SLIT2: variants seen among roughly 807,000 people sequenced by gnomAD.
The protein encoded by SLIT2 is slit guidance ligand 2, also known as slit homolog 2 protein.
In SLIT2, 41 loss-of-function variants were observed where a neutral mutation model predicts 185.7. The observed-to-expected ratio is 0.22, with a 90% CI of 0.17 to 0.29. The LOEUF (loss-of-function observed/expected upper bound fraction) is 0.29. Among genes scored for constraint, SLIT2 ranks in the 10% least tolerant of loss-of-function variants. SLIT2 has a pLI of 1.00. For synonymous variants in SLIT2, 693 were observed against 680.2 expected (o/e 1.02, Z -0.29); for missense variants, 1,571 against 1,909.0 (o/e 0.82, Z 3.30).
At chr4:20,259,864 C>T (rs575486153) in intron 3 of SLIT2, among the ~76,000 whole-genome samples, 21 of 151,820 alleles carry the variant, frequency 1.4e-4, no homozygotes, top group African/African-American at 4.8e-4. Flanking sequence ...GCAAATATTT[C>T]ATATTTGTGA....
At chr4:20,346,538 G>A (rs1721428414) in intron 4 of SLIT2, among the ~76,000 whole-genome samples, 1 of 152,302 alleles carries the variant, frequency 6.6e-6, no homozygotes, top group East Asian at 1.9e-4. Flanking sequence ...GGGTTCTCTA[G>A]AGGGGCAGTA....
At chr4:20,475,752 C>CTGGG (rs1716030129) in intron 5 of SLIT2, among the ~76,000 whole-genome samples, 1 of 152,078 alleles carries the variant, frequency 6.6e-6, no homozygotes. Context: ...TTGATTAGTT[C>CTGGG]ACTTACAATT....
chr4:20,278,937 TG>T (rs1430607852), intron 4 of SLIT2, among the ~76,000 whole-genome samples: 1 of 152,170 alleles, frequency 6.6e-6, no homozygotes, highest in East Asian at 1.9e-4. Context: ...CATAGATACA[TG>T]TATTTCTTTT....
At chr4:20,598,450 GCTTCTCCTCTA>G (rs766583515) in intron 33 of SLIT2, 55 bp downstream of exon 33, 41 of 1,588,802 alleles carry the variant, frequency 2.6e-5, no homozygotes, top group Non-Finnish European at 3.4e-5. Flanking sequence ...ATGAAGAACT[GCTTCTCCTCTA>G]TCATTTTATT....
chr4:20,530,963 TAA>T (rs879336596), intron 16 of SLIT2, among the ~76,000 whole-genome samples: 1 of 123,158 alleles, frequency 8.1e-6, no homozygotes, highest in Admixed American at 8.1e-5. Flanking sequence ...CTGGAATGGC[TAA>T]AAAAAAAAAA....
At chr4:20,388,099 G>A (rs1206702005) in intron 4 of SLIT2, among the ~76,000 whole-genome samples, 3 of 152,022 alleles carry the variant, frequency 2.0e-5, no homozygotes, top group African/African-American at 7.2e-5. Context: ...CTGATAATAT[G>A]ACATCTATGA....
chr4:20,606,131 G>A (rs1038845007), intron 33 of SLIT2, among the ~76,000 whole-genome samples: 2 of 152,140 alleles, frequency 1.3e-5, no homozygotes, highest in African/African-American at 4.8e-5. Context: ...AAGACAGCAA[G>A]AAATACCAAG....
intron 4 of SLIT2, among the ~76,000 whole-genome samples, chr4:20,440,928 T>C (rs1454936733): frequency 1.3e-5 from 2 of 152,190 alleles, no homozygotes; most frequent in Non-Finnish European, 2.9e-5. Flanking sequence ...TTTTGGCCTT[T>C]ATTTACATTC....
At chr4:20,405,918 C>CTGTCCTATCAACAATGAAATACAAA (rs1553895950) in intron 4 of SLIT2, among the ~76,000 whole-genome samples, 1 of 146,746 alleles carries the variant, frequency 6.8e-6, no homozygotes, top group Non-Finnish European at 1.5e-5. Context: ...TATTCACAAA[C>CTGTCCTATCAACAATGAAATACAAA]ATTACCTTGG....
chr4:20,606,669 A>G (rs1272246715), intron 33 of SLIT2, among the ~76,000 whole-genome samples: 1 of 152,192 alleles, frequency 6.6e-6, no homozygotes, highest in South Asian at 2.1e-4. Context: ...TAGTCAGTCT[A>G]TCTCACTCAT....
chr4:20,382,307 G>T (rs929205384), intron 4 of SLIT2, among the ~76,000 whole-genome samples: 2 of 152,062 alleles, frequency 1.3e-5, no homozygotes, highest in Admixed American at 1.3e-4. Flanking sequence ...ACAAGGATGT[G>T]CACTCCTATC....
At chr4:20,271,727 A>G (rs1008803399) in intron 4 of SLIT2, among the ~76,000 whole-genome samples, 2 of 151,952 alleles carry the variant, frequency 1.3e-5, no homozygotes, top group Non-Finnish European at 2.9e-5. Context: ...TTTAATACAT[A>G]GTTTATACAC....
At chr4:20,443,589 A>G (rs923441957) in intron 4 of SLIT2, among the ~76,000 whole-genome samples, 37 of 148,108 alleles carry the variant, frequency 2.5e-4, no homozygotes, top group African/African-American at 7.9e-4. Context: ...ATCTAAAAAA[A>G]AAAAAAAAAA....
At chr4:20,499,807 T>G (rs1438034237) in intron 9 of SLIT2, among the ~76,000 whole-genome samples, 1 of 152,108 alleles carries the variant, frequency 6.6e-6, no homozygotes, top group Non-Finnish European at 1.5e-5. Context: ...TTTTTATATG[T>G]AAAGATATGC....
chr4:20,265,848 C>T (rs948990558), intron 3 of SLIT2, among the ~76,000 whole-genome samples: 13 of 151,694 alleles, frequency 8.6e-5, no homozygotes, highest in African/African-American at 2.4e-4. Flanking sequence ...GGAAAGCTTC[C>T]GCATTATATT....
chr4:20,356,689 G>C (rs1722350652), intron 4 of SLIT2, among the ~76,000 whole-genome samples: 1 of 152,164 alleles, frequency 6.6e-6, no homozygotes, highest in Non-Finnish European at 1.5e-5. Flanking sequence ...AACACACACA[G>C]TGTATTTCTG....
intron 4 of SLIT2, among the ~76,000 whole-genome samples, chr4:20,426,423 G>A (rs1728562078): frequency 6.6e-6 from 1 of 152,074 alleles, no homozygotes; most frequent in African/African-American, 2.4e-5. Context: ...AAGGTGGTAG[G>A]GGAAAAACAG....
intron 4 of SLIT2, among the ~76,000 whole-genome samples, chr4:20,366,266 A>G (rs1014442525): frequency 6.6e-6 from 1 of 152,028 alleles, no homozygotes; most frequent in African/African-American, 2.4e-5. Context: ...CTGGTTCTCA[A>G]CACTTCGTAC....
At chr4:20,256,535 C>T (rs1431966325) in intron 1 of SLIT2, 137 bp from the exon 2 acceptor site, 2 of 517,342 alleles carry the variant, frequency 3.9e-6, no homozygotes, top group South Asian at 3.4e-5. Context: ...AAAGGTTATC[C>T]TCTTCTCCTT....
Sources: allele counts gnomAD v4.1 joint callset (sites outside exome capture counted in the v4.1 genomes callset), GRCh38; gene constraint gnomAD v4.1.1; transcripts MANE v1.5; gene names NCBI Gene and HGNC (gene_info 2026-07-23, HGNC 2026-07-21).